SCYL2: variants seen among roughly 807,000 people sequenced by gnomAD.
SCYL2 encodes SCY1 like pseudokinase 2.
In SCYL2, 36 loss-of-function variants were observed where a neutral mutation model predicts 100.4. The ratio of observed to expected loss-of-function variants is 0.36; its 90% CI spans 0.27 to 0.47. The LOEUF (loss-of-function observed/expected upper bound fraction) is 0.47. SCYL2 is among the 20% of genes least tolerant of loss of function. SCYL2 has a pLI of 1.00. For missense variants in SCYL2, 902 were observed against 1,083.9 expected, an observed-to-expected ratio of 0.83 and a Z score of 2.36; for synonymous variants, 330 against 359.2, an observed-to-expected ratio of 0.92 and a Z score of 0.92.
intron 2 of SCYL2, among the ~76,000 whole-genome samples, chr12:100,287,883 G>T (rs1566347725): frequency 6.6e-6 from 1 of 152,138 alleles, no homozygotes; most frequent in African/African-American, 2.4e-5. Flanking sequence ...TTTACTATCA[G>T]TAAGCAATAG....
intron 12 of SCYL2, among the ~76,000 whole-genome samples, chr12:100,328,385 C>T (rs1952163225): frequency 1.3e-5 from 2 of 152,154 alleles, no homozygotes; most frequent in South Asian, 4.1e-4. Flanking sequence ...TTTATTTATC[C>T]AATGAGGATG....
At chr12:100,322,765 C>G (rs2096357528) in intron 10 of SCYL2, among the ~76,000 whole-genome samples, 1 of 150,854 alleles carries the variant, frequency 6.6e-6, no homozygotes, top group South Asian at 2.1e-4. Flanking sequence ...TAGGCTGAGG[C>G]AGGAGAATTG....
chr12:100,308,906 G>A (rs1328512979), intron 4 of SCYL2, among the ~76,000 whole-genome samples: 2 of 152,088 alleles, frequency 1.3e-5, no homozygotes, highest in African/African-American at 4.8e-5. Flanking sequence ...AAGTCTCCTA[G>A]TCACTACACT....
At chr12:100,287,525 A>G (rs757427579) in intron 2 of SCYL2, among the ~76,000 whole-genome samples, 13 of 152,268 alleles carry the variant, frequency 8.5e-5, no homozygotes, top group Non-Finnish European at 1.0e-4. Flanking sequence ...TATTGTGACA[A>G]ATACTACAGT....
chr12:100,294,597 A>G (rs1250387493), intron 3 of SCYL2, among the ~76,000 whole-genome samples: 5 of 127,268 alleles, frequency 3.9e-5, no homozygotes, highest in South Asian at 2.9e-4. Context: ...CCTCCTGGAC[A>G]GGGTGGCTGG....
At chr12:100,305,039 C>T (rs1346827353) in intron 4 of SCYL2, among the ~76,000 whole-genome samples, 1 of 152,094 alleles carries the variant, frequency 6.6e-6, no homozygotes, top group African/African-American at 2.4e-5. Flanking sequence ...ACTTAGACTC[C>T]CACGCAATAA....
At position 100,267,255 on chromosome 12, in the gene SCYL2, G is replaced by T; in HGVS notation, c.-566G>T. 1.6e-6 allele frequency: 1 copy of T among 636,938 alleles called. No individual in the cohort carries two copies. Among genetic ancestry groups the T allele is most frequent in the Non-Finnish European group, 2.6e-6 (1 of 379,388 alleles). 39.5% of individuals were successfully genotyped at this position (636,938 alleles called of 1,614,324 possible). ...CTTTCCTTCTAGCTCCGACGTTTGCGGCCGCGGGGGCGGCGGAGGATATGG... is the reference window on the plus strand; with the variant it reads ...CTTTCCTTCTAGCTCCGACGTTTGCTGCCGCGGGGGCGGCGGAGGATATGG... On this transcript the variant is annotated 5_prime_UTR_variant, in exon 1 of 18. Transcript: ENST00000360820.
Position 100,339,474 on chromosome 12 carries a change from C to G in SCYL2, c.*302C>G, listed in dbSNP as rs1156374947. The G allele has an allele frequency of 6.5e-6, 2 of 309,978 alleles. No homozygotes were observed. The highest frequency in any genetic ancestry group is 5.1e-5 in the South Asian group (1 of 19,696). The allele number at this position is 309,978 out of a possible 1,614,324, so 19.2% of individuals were successfully genotyped here. A position where few individuals can be genotyped will look rare whatever the true frequency, so the allele number is the denominator to read the frequency against. Reference sequence around the variant, plus strand: ...ATCTTGAATAACATAACTTTTTAATCAAATGTTTATTTTGGCTTGTGGATC... The same window carrying G: ...ATCTTGAATAACATAACTTTTTAATGAAATGTTTATTTTGGCTTGTGGATC... On this transcript the variant is annotated 3_prime_UTR_variant, in exon 18 of 18. Transcript: ENST00000360820.
At chr12:100,269,440 A>G (rs574830207) in intron 1 of SCYL2, among the ~76,000 whole-genome samples, 1 of 152,242 alleles carries the variant, frequency 6.6e-6, no homozygotes, top group East Asian at 1.9e-4. Context: ...AAGAGTTGTC[A>G]TGTTTATTAA....
At chr12:100,316,048 G>A (rs916441198) in intron 9 of SCYL2, among the ~76,000 whole-genome samples, 7 of 152,160 alleles carry the variant, frequency 4.6e-5, no homozygotes, top group African/African-American at 1.7e-4. Context: ...ACAGGTTTAG[G>A]AAAATAAATA....
rs749371638 is a variant in SCYL2, at chr12:100,335,846, CCTT to C, written c.1968_1970del (p.Leu657del). ...AAGTTTTTAACAACATTGGAGCAGA[CCTT>C]CTGACTGGCAGTGAGTCCGAAAATA... On this transcript the variant is annotated inframe_deletion, in exon 16 of 18. Transcript: ENST00000360820. The C allele has an allele frequency of 6.2e-6, 10 of 1,613,370 alleles. No homozygotes were observed. The highest frequency in any genetic ancestry group is 5.0e-5 in the Admixed American group (3 of 60,002).
intron 13 of SCYL2, among the ~76,000 whole-genome samples, chr12:100,331,695 A>G (rs1413216889): frequency 6.6e-6 from 1 of 152,074 alleles, no homozygotes; most frequent in Non-Finnish European, 1.5e-5. Context: ...ATCAACAAAT[A>G]TTTTGATTCA....
intron 1 of SCYL2, among the ~76,000 whole-genome samples, chr12:100,277,796 C>G (rs1171595417): frequency 6.6e-6 from 1 of 151,938 alleles, no homozygotes; most frequent in Non-Finnish European, 1.5e-5. Context: ...TTTTCCGCTT[C>G]TTTTTATATT....
chr12:100,280,163 G>GT (rs1176199165), intron 1 of SCYL2, among the ~76,000 whole-genome samples: 1 of 152,126 alleles, frequency 6.6e-6, no homozygotes, highest in Non-Finnish European at 1.5e-5. Context: ...ATTTTGTTCA[G>GT]TTTTCTAGTT....
intron 17 of SCYL2, among the ~76,000 whole-genome samples, chr12:100,337,820 C>T (rs755138151): frequency 1.2e-4 from 19 of 152,144 alleles, no homozygotes; most frequent in African/African-American, 4.1e-4. Context: ...TATATTCATG[C>T]TCTTAACATA....
At chr12:100,337,328 T>C (rs1952291055) in intron 16 of SCYL2, 59 bp from the exon 17 acceptor site, 1 of 1,589,750 alleles carries the variant, frequency 6.3e-7, no homozygotes, top group Non-Finnish European at 8.5e-7. Flanking sequence ...GATTATCTTT[T>C]GTTTTACAAA....
intron 1 of SCYL2, among the ~76,000 whole-genome samples, chr12:100,281,541 TAAAG>T (rs1286912147): frequency 4.0e-5 from 6 of 151,748 alleles, no homozygotes; most frequent in African/African-American, 1.5e-4. Context: ...AAAATAATAA[TAAAG>T]AAAATAGGCT....
At chr12:100,299,627 T>C (rs6538959) in intron 4 of SCYL2, among the ~76,000 whole-genome samples, 17 of 152,142 alleles carry the variant, frequency 1.1e-4, no homozygotes, top group Admixed American at 8.5e-4. Context: ...ATGGTACCTA[T>C]TCTTTTTCGG....
At position 100,283,022 on chromosome 12, in the gene SCYL2, G is replaced by A; in HGVS notation, c.52G>A (p.Asp18Asn). Residue 18 changes from aspartate (D) to asparagine (N), a missense_variant, in exon 2 of 18, where the codon GAT becomes AAT. Asp to Asn is a conservative substitution (Grantham distance 23, BLOSUM62 1). Coordinates refer to ENST00000360820, the MANE Select transcript of SCYL2 (RefSeq NM_017988.6). ...LKSTVTKVTADVTSAVMGNPV... is the reference protein window; with the variant it reads ...LKSTVTKVTANVTSAVMGNPV... ...GAGTACTGTTACAAAAGTAACAGCT[G>A]ATGTCACTAGTGCTGTAATGGGAAA... 1 of 1,611,866 alleles carries A rather than the reference G, an allele frequency of 6.2e-7. No individual in the cohort carries two copies. Among genetic ancestry groups the A allele is most frequent in the Non-Finnish European group, 8.5e-7 (1 of 1,178,438 alleles).
Sources: allele counts gnomAD v4.1 joint callset (sites outside exome capture counted in the v4.1 genomes callset), GRCh38; gene constraint gnomAD v4.1.1; transcripts MANE v1.5; gene names NCBI Gene and HGNC (gene_info 2026-07-23, HGNC 2026-07-21).